The following WSCD2 variants were observed in gnomAD, a reference collection of about 807,000 sequenced individuals.
WSCD2 encodes sialate:O-sulfotransferase 2.
Under a neutral mutation model 55.7 loss-of-function variants are expected in WSCD2, and 28 were observed. That is an observed-to-expected ratio of 0.50 (90% CI 0.37 to 0.69). The LOEUF is 0.69. Ranked by LOEUF, WSCD2 falls within the 30% of genes least tolerant of loss-of-function variation. The pLI is 0.00. For synonymous variants in WSCD2, 301 were observed against 301.9 expected, an observed-to-expected ratio of 1.00 and a Z score of 0.03; for missense variants, 616 against 762.1, an observed-to-expected ratio of 0.81 and a Z score of 2.26.
At chr12:108,156,370 C>A (rs1468309413) in intron 1 of WSCD2, among the ~76,000 whole-genome samples, 1 of 152,198 alleles carries the variant, frequency 6.6e-6, no homozygotes, top group African/African-American at 2.4e-5. Flanking sequence ...ACATAGTAAG[C>A]ACTCAATCAA....
intron 1 of WSCD2, among the ~76,000 whole-genome samples, chr12:108,186,362 A>G (rs1177441859): frequency 1.3e-5 from 2 of 152,074 alleles, no homozygotes; most frequent in Non-Finnish European, 2.9e-5. Flanking sequence ...CTGACACATC[A>G]TTATCACTCA....
chr12:108,144,511 C>G (rs1877189134), intron 1 of WSCD2, among the ~76,000 whole-genome samples: 1 of 152,174 alleles, frequency 6.6e-6, no homozygotes, highest in African/African-American at 2.4e-5. Context: ...CAGCTGTCGT[C>G]CTTATGTGTG....
chr12:108,229,154 T>C (rs1026498766), intron 6 of WSCD2, among the ~76,000 whole-genome samples: 2 of 152,190 alleles, frequency 1.3e-5, no homozygotes, highest in African/African-American at 4.8e-5. Context: ...TTGACAGTTA[T>C]GTGGCTCATC....
At position 108,132,176 on chromosome 12, in the gene WSCD2, G is replaced by A. The variant is rs574583508; in HGVS notation, c.-552+2250G>A. ...TTCTGAGGCTTGTGGGTTGCCCCGG[G>A]TTTATGCTGAAACCATCAGTGGGGA... On this transcript the variant is annotated intron_variant, in intron 1 of 8. Coordinates refer to ENST00000547525, the MANE Select transcript of WSCD2 (RefSeq NM_014653.4). Among the ~76,000 whole-genome samples the A allele has an allele frequency of 4.6e-5, 7 of 152,296 alleles. No homozygotes were observed. In the Middle Eastern group the frequency reaches 0.01, roughly 222 times the overall value.
Position 108,244,231 on chromosome 12 carries a change from A to G in WSCD2, c.1345+3687A>G, listed in dbSNP as rs563639025. On this transcript the variant is annotated intron_variant, in intron 8 of 8. Transcript: ENST00000547525. ...TTTATTGCCCAGTTTGCAGACAGCA[A>G]TCAATGATCAGGAATCCTGAGTTAA... is the stretch of plus-strand genomic sequence containing the variant. 6.0e-4 allele frequency among the ~76,000 whole-genome samples: 91 copies of G among 152,308 alleles called. 1 individual carries two copies. In the Middle Eastern group the frequency reaches 0.01, roughly 17 times the overall value.
intron 1 of WSCD2, among the ~76,000 whole-genome samples, chr12:108,130,437 T>C (rs1045059637): frequency 1.3e-5 from 2 of 151,920 alleles, no homozygotes; most frequent in Non-Finnish European, 2.9e-5. Context: ...ATGGGCTTTG[T>C]GTAGGGTGCC....
At chr12:108,145,845 T>C (rs1877328697) in intron 1 of WSCD2, among the ~76,000 whole-genome samples, 2 of 152,156 alleles carry the variant, frequency 1.3e-5, no homozygotes, top group South Asian at 2.1e-4. Context: ...GCGAAAATAA[T>C]GGTGAGTGAA....
intron 5 of WSCD2, 66 bp from the exon 6 acceptor site, chr12:108,226,924 T>C: frequency 6.6e-7 from 1 of 1,525,396 alleles, no homozygotes; most frequent in South Asian, 1.3e-5. Context: ...TGTTCTCCAT[T>C]TGGAGTCTGA....
chr12:108,166,761 T>TTTCCTTTCTTTC (rs10680980), intron 1 of WSCD2, among the ~76,000 whole-genome samples: 1 of 124,820 alleles, frequency 8.0e-6, no homozygotes, highest in Admixed American at 8.8e-5. Context: ...TCTTTCTTTC[T>TTTCCTTTCTTTC]TTTCTTTCTT....
chr12:108,153,034 C>A (rs1187514451), intron 1 of WSCD2, among the ~76,000 whole-genome samples: 1 of 151,480 alleles, frequency 6.6e-6, no homozygotes, highest in Non-Finnish European at 1.5e-5. Flanking sequence ...AACCTGGAGG[C>A]AGAGGTTGCA....
intron 1 of WSCD2, among the ~76,000 whole-genome samples, chr12:108,176,747 T>A (rs1260312703): frequency 2.0e-5 from 3 of 152,246 alleles, no homozygotes; most frequent in African/African-American, 7.2e-5. Context: ...CTACCATGGA[T>A]GGATGGGAGT....
At chr12:108,225,683 TTA>T (rs1276218446) in intron 5 of WSCD2, among the ~76,000 whole-genome samples, 2 of 152,118 alleles carry the variant, frequency 1.3e-5, no homozygotes, top group African/African-American at 2.4e-5. Flanking sequence ...GTCTGACTGT[TTA>T]TGTTTCCTCC....
intron 1 of WSCD2, among the ~76,000 whole-genome samples, chr12:108,183,121 C>G (rs1882017580): frequency 6.6e-6 from 1 of 152,176 alleles, no homozygotes; most frequent in African/African-American, 2.4e-5. Flanking sequence ...TTATCCAGTC[C>G]AAAGTGCCAG....
intron 1 of WSCD2, among the ~76,000 whole-genome samples, chr12:108,173,808 CTCTG>C (rs1880498250): frequency 3.0e-5 from 3 of 100,906 alleles, no homozygotes; most frequent in African/African-American, 1.4e-4. Context: ...ATTCCTGGCT[CTCTG>C]TGTGTGTGTG....
chr12:108,240,788 C>T (rs750522976), intron 8 of WSCD2, among the ~76,000 whole-genome samples: 1 of 152,206 alleles, frequency 6.6e-6, no homozygotes, highest in Non-Finnish European at 1.5e-5. Flanking sequence ...CTGCATCGCA[C>T]AGGGGATTAA....
rs367855700 is a variant in WSCD2, at chr12:108,227,019, C to A, written c.834C>A (p.Thr278=). Residue 278 remains threonine (T), a synonymous_variant, in exon 6 of 9, where the codon ACC becomes ACA. Coordinates refer to ENST00000547525, the MANE Select transcript of WSCD2 (RefSeq NM_014653.4). ...KEYPLAALAG[T]ACHCGFPTTR... is the part of the protein sequence containing the mutation. ...ACCCGCTGGCAGCTCTTGCAGGCAC[C>A]GCCTGCCACTGTGGGTTTCCCACCA... 1 of 1,613,958 alleles carries A rather than the reference C, an allele frequency of 6.2e-7. No individual in the cohort carries two copies. Among genetic ancestry groups the A allele is most frequent in the African/African-American group, 1.3e-5 (1 of 74,940 alleles).
At chr12:108,173,043 T>TCGGGGCCTCCACAGACACTGGATCTG (rs1347301126) in intron 1 of WSCD2, among the ~76,000 whole-genome samples, 1 of 150,188 alleles carries the variant, frequency 6.7e-6, no homozygotes, top group East Asian at 2.0e-4. Context: ...AGACCAGGAA[T>TCGGGGCCTCCACAGACACTGGATCTG]CGGGGCCTCC....
chr12:108,198,826 C>T (rs56184735), intron 2 of WSCD2, among the ~76,000 whole-genome samples: 4,564 of 152,240 alleles, frequency 0.03, 94 homozygotes, highest in Middle Eastern at 0.085. Flanking sequence ...TAATTACTAC[C>T]ACTCAGTAAG....
intron 1 of WSCD2, among the ~76,000 whole-genome samples, chr12:108,150,178 G>A (rs930378871): frequency 2.0e-5 from 3 of 152,090 alleles, no homozygotes; most frequent in African/African-American, 4.8e-5. Flanking sequence ...TGAGAGGTGC[G>A]GGGGTTTGCG....
Sources: allele counts gnomAD v4.1 joint callset (sites outside exome capture counted in the v4.1 genomes callset), GRCh38; gene constraint gnomAD v4.1.1; transcripts MANE v1.5; gene names NCBI Gene and HGNC (gene_info 2026-07-23, HGNC 2026-07-21).